SGCZ: variants seen among roughly 807,000 people sequenced by gnomAD.
SGCZ encodes the protein zeta-sarcoglycan.
SGCZ carries 40 observed loss-of-function variants against 41.3 expected under a neutral mutation model. That is an observed-to-expected ratio of 0.97 (90% CI 0.75 to 1.26). The LOEUF (loss-of-function observed/expected upper bound fraction) is 1.26, where lower values mean the gene tolerates loss of function less well. SGCZ is among the 50% of genes most tolerant of loss of function. The pLI is 0.00. For missense variants in SGCZ, 552 were observed against 369.8 expected, an observed-to-expected ratio of 1.49 and a Z score of -4.04; for synonymous variants, 206 against 137.5, an observed-to-expected ratio of 1.50 and a Z score of -3.49.
At chr8:15,033,425 A>G (rs1476819376) in intron 1 of SGCZ, among the ~76,000 whole-genome samples, 4 of 151,616 alleles carry the variant, frequency 2.6e-5, no homozygotes, top group African/African-American at 7.3e-5. Context: ...CTCCATGCCT[A>G]TTCCAGAACC....
chr8:15,075,132 T>C (rs1209975279), intron 1 of SGCZ, among the ~76,000 whole-genome samples: 2 of 109,436 alleles, frequency 1.8e-5, no homozygotes, highest in African/African-American at 7.8e-5. Context: ...TAAATAAACA[T>C]CTTTCTTTAT....
intron 1 of SGCZ, among the ~76,000 whole-genome samples, chr8:14,687,315 G>C (rs1157076627): frequency 2.1e-5 from 3 of 145,512 alleles, no homozygotes; most frequent in African/African-American, 8.1e-5. Flanking sequence ...TTTAGCATTA[G>C]GTATATCTCC....
At chr8:14,404,925 T>G (rs1394011209) in intron 2 of SGCZ, among the ~76,000 whole-genome samples, 1 of 152,196 alleles carries the variant, frequency 6.6e-6, no homozygotes, top group Non-Finnish European at 1.5e-5. Flanking sequence ...TTTCGTTCCC[T>G]GTGGCTATTG....
chr8:14,927,299 T>G (rs758674819), intron 1 of SGCZ, among the ~76,000 whole-genome samples: 1 of 151,440 alleles, frequency 6.6e-6, no homozygotes, highest in African/African-American at 2.4e-5. Context: ...TTAGTAGAGA[T>G]GGGGTTTCAC....
chr8:14,446,001 G>T (rs1350841730), intron 2 of SGCZ, among the ~76,000 whole-genome samples: 1 of 152,178 alleles, frequency 6.6e-6, no homozygotes, highest in Admixed American at 6.5e-5. Flanking sequence ...CCTCCTGCAA[G>T]GGGTTGAGTG....
chr8:14,848,617 A>C (rs1803215962), intron 1 of SGCZ, among the ~76,000 whole-genome samples: 1 of 152,216 alleles, frequency 6.6e-6, no homozygotes, highest in Admixed American at 6.5e-5. Context: ...ATCTTTCAAC[A>C]AGTGGTGTTG....
At chr8:15,237,377 G>T (rs1361527287) in intron 1 of SGCZ, among the ~76,000 whole-genome samples, 2 of 152,166 alleles carry the variant, frequency 1.3e-5, no homozygotes, top group Non-Finnish European at 2.9e-5. Flanking sequence ...CGCCCAGCCC[G>T]GGAGTGCAGC....
At chr8:14,931,911 C>T (rs1799931761) in intron 1 of SGCZ, among the ~76,000 whole-genome samples, 1 of 151,852 alleles carries the variant, frequency 6.6e-6, no homozygotes, top group Admixed American at 6.6e-5. Context: ...TTATCTTGAC[C>T]AATAACCAAT....
At chr8:14,322,850 T>C (rs1371782041) in intron 3 of SGCZ, among the ~76,000 whole-genome samples, 1 of 152,154 alleles carries the variant, frequency 6.6e-6, no homozygotes, top group East Asian at 1.9e-4. Context: ...TCAAAGATGG[T>C]GACTATCAAT....
At chr8:14,173,940 T>C (rs1041028993) in intron 4 of SGCZ, among the ~76,000 whole-genome samples, 1 of 152,058 alleles carries the variant, frequency 6.6e-6, no homozygotes, top group Non-Finnish European at 1.5e-5. Context: ...TGCAAACCTT[T>C]TAATAAGATA....
chr8:14,982,304 G>A (rs1206341004), intron 1 of SGCZ, among the ~76,000 whole-genome samples: 1 of 152,176 alleles, frequency 6.6e-6, no homozygotes, highest in Non-Finnish European at 1.5e-5. Flanking sequence ...CCAAGTCCGT[G>A]GAGTTCAAAG....
At chr8:14,686,646 A>G (rs998081025) in intron 1 of SGCZ, among the ~76,000 whole-genome samples, 2 of 152,104 alleles carry the variant, frequency 1.3e-5, no homozygotes, top group East Asian at 1.9e-4. Context: ...GGGGTGCAAT[A>G]GAGATTTCAG....
chr8:14,434,017 G>T (rs111693658), intron 2 of SGCZ, among the ~76,000 whole-genome samples: 1,899 of 152,232 alleles, frequency 0.012, 40 homozygotes, highest in African/African-American at 0.043. Context: ...TTTGATTTTG[G>T]GTTCTTGGTC....
chr8:14,730,978 T>G (rs571023124), intron 1 of SGCZ, among the ~76,000 whole-genome samples: 8 of 151,814 alleles, frequency 5.3e-5, no homozygotes, highest in Admixed American at 4.6e-4. Context: ...ACAGTGTGGC[T>G]ATTCCTCAAG....
At chr8:14,118,870 G>C (rs535418852) in intron 5 of SGCZ, among the ~76,000 whole-genome samples, 1 of 152,314 alleles carries the variant, frequency 6.6e-6, no homozygotes, top group Non-Finnish European at 1.5e-5. Flanking sequence ...TCAGATGGTT[G>C]TGGATGTGTG....
At chr8:14,343,643 A>C (rs186412923) in intron 2 of SGCZ, among the ~76,000 whole-genome samples, 12 of 152,312 alleles carry the variant, frequency 7.9e-5, no homozygotes, top group Admixed American at 7.2e-4. Flanking sequence ...TAAATATTGC[A>C]GTGTTCATTT....
chr8:15,217,843 T>A (rs969215684), intron 1 of SGCZ, among the ~76,000 whole-genome samples: 1 of 152,102 alleles, frequency 6.6e-6, no homozygotes, highest in African/African-American at 2.4e-5. Flanking sequence ...ATCCCAGCAC[T>A]TTGGGAGGCT....
intron 3 of SGCZ, among the ~76,000 whole-genome samples, chr8:14,295,975 T>C (rs1563241578): frequency 6.6e-6 from 1 of 152,150 alleles, no homozygotes; most frequent in African/African-American, 2.4e-5. Flanking sequence ...GAACAGCTAC[T>C]GGAGAACTGT....
chr8:14,933,379 C>G (rs1395101822), intron 1 of SGCZ, among the ~76,000 whole-genome samples: 1 of 151,680 alleles, frequency 6.6e-6, no homozygotes, highest in Non-Finnish European at 1.5e-5. Context: ...AAAAATGGAA[C>G]CAGAGTATTT....
Sources: allele counts gnomAD v4.1 joint callset (sites outside exome capture counted in the v4.1 genomes callset), GRCh38; gene constraint gnomAD v4.1.1; transcripts MANE v1.5; gene names NCBI Gene and HGNC (gene_info 2026-07-23, HGNC 2026-07-21).